PRIM2: variants seen among roughly 807,000 people sequenced by gnomAD.
The protein encoded by PRIM2 is DNA primase large subunit.
Under a neutral mutation model 67.3 loss-of-function variants are expected in PRIM2, and 39 were observed. The observed-to-expected ratio is 0.58, with a 90% CI of 0.45 to 0.76. PRIM2 has a LOEUF of 0.76. PRIM2 is among the 30% of genes least tolerant of loss of function. PRIM2 has a pLI of 0.00. For synonymous variants in PRIM2, 143 were observed against 198.7 expected, an observed-to-expected ratio of 0.72 and a Z score of 2.36; for missense variants, 398 against 598.7, an observed-to-expected ratio of 0.66 and a Z score of 3.50.
chr6:57,304,332 T>A, the PRIM2 span, among the ~76,000 whole-genome samples: 99 of 152,284 alleles, frequency 6.5e-4, no homozygotes, highest in Non-Finnish European at 1.1e-3. Flanking sequence ...CTTTGAAAAC[T>A]GTAGCATGCT....
chr6:57,326,963 G>A (rs904154199), intron 5 of PRIM2, among the ~76,000 whole-genome samples: 1 of 147,506 alleles, frequency 6.8e-6, no homozygotes, highest in Non-Finnish European at 1.5e-5. Flanking sequence ...ATATGCAGTG[G>A]CCTGATCTCG....
intron 10 of PRIM2, among the ~76,000 whole-genome samples, chr6:57,564,159 C>T (rs1775692605): frequency 6.6e-6 from 1 of 152,178 alleles, no homozygotes; most frequent in African/African-American, 2.4e-5. Context: ...CCTTTTCCCT[C>T]TGAAACATTG....
At chr6:57,434,752 G>A (rs917721308) in intron 7 of PRIM2, among the ~76,000 whole-genome samples, 1 of 151,380 alleles carries the variant, frequency 6.6e-6, no homozygotes, top group African/African-American at 2.4e-5. Flanking sequence ...CAGAATCCTG[G>A]GTCTCTGCTC....
intron 7 of PRIM2, among the ~76,000 whole-genome samples, chr6:57,490,136 C>A (rs1554345851): frequency 6.6e-6 from 1 of 152,118 alleles, no homozygotes; most frequent in East Asian, 1.9e-4. Context: ...CTGGAGCATG[C>A]AGATTATACC....
intron 5 of PRIM2, among the ~76,000 whole-genome samples, chr6:57,339,653 A>G (rs1294128737): frequency 6.6e-6 from 1 of 152,348 alleles, no homozygotes; most frequent in East Asian, 1.9e-4. Flanking sequence ...GGCTAGCCAT[A>G]TGCAGAAAGC....
intron 5 of PRIM2, among the ~76,000 whole-genome samples, chr6:57,373,011 G>C (rs1769615789): frequency 6.6e-6 from 1 of 152,142 alleles, no homozygotes; most frequent in Non-Finnish European, 1.5e-5. Flanking sequence ...TGATATTTCT[G>C]CCTCTAGGTC....
rs143978018 is a variant in PRIM2, at chr6:57,322,356, C to A, written c.258+1796C>A. 5.0e-3 allele frequency among the ~76,000 whole-genome samples: 765 copies of A among 152,152 alleles called. 6 individuals are homozygous for A. Among genetic ancestry groups the A allele is most frequent in the African/African-American group, 0.018 (738 of 41,508 alleles). On this transcript the variant is annotated intron_variant, in intron 3 of 13. Coordinates refer to ENST00000615550, the MANE Select transcript of PRIM2 (RefSeq NM_000947.5). Reference sequence around the variant, plus strand: ...GGTTTAGGTGCAGGAATTAGCTTTTCATATGGTTTGGCTGTGTCCCCACCC... The same window carrying A: ...GGTTTAGGTGCAGGAATTAGCTTTTAATATGGTTTGGCTGTGTCCCCACCC...
At chr6:57,243,747 T>C in the PRIM2 span, among the ~76,000 whole-genome samples, 1 of 152,216 alleles carries the variant, frequency 6.6e-6, no homozygotes, top group Non-Finnish European at 1.5e-5. Flanking sequence ...AGTGCTGGGA[T>C]TACAGGTGTG....
chr6:57,457,763 G>A (rs537101960), intron 7 of PRIM2, among the ~76,000 whole-genome samples: 4 of 152,070 alleles, frequency 2.6e-5, no homozygotes, highest in African/African-American at 9.7e-5. Context: ...GCCCTGCCTC[G>A]GCTCACATAC....
intron 7 of PRIM2, among the ~76,000 whole-genome samples, chr6:57,492,922 C>A (rs1270201681): frequency 1.3e-5 from 2 of 152,188 alleles, no homozygotes; most frequent in African/African-American, 4.8e-5. Flanking sequence ...ATACTTGTAT[C>A]TATTATAGCT....
At chr6:57,597,519 A>G (rs1776387714) in intron 10 of PRIM2, among the ~76,000 whole-genome samples, 1 of 152,094 alleles carries the variant, frequency 6.6e-6, no homozygotes, top group East Asian at 1.9e-4. Context: ...ATATTTATTG[A>G]GAACAAAGGA....
intron 13 of PRIM2, among the ~76,000 whole-genome samples, chr6:57,640,084 T>C (rs1215741725): frequency 8.5e-5 from 13 of 152,134 alleles, no homozygotes; most frequent in African/African-American, 3.1e-4. Flanking sequence ...GTTCAACATA[T>C]GCAAATCAAT....
At chr6:57,461,233 A>G (rs1186807917) in intron 7 of PRIM2, among the ~76,000 whole-genome samples, 18 of 152,346 alleles carry the variant, frequency 1.2e-4, no homozygotes, top group Non-Finnish European at 2.4e-4. Context: ...CTTTGATGAC[A>G]TAGTGGAAAG....
Position 57,518,929 on chromosome 6 carries a change from A to C in PRIM2, c.761+11475A>C, listed in dbSNP as rs1234600012. On this transcript the variant is annotated intron_variant, in intron 8 of 13. Transcript: ENST00000615550. ...CCGATATTCACGTAGGTTCTTTTCT[A>C]TTTTCCTTAAGCGTCAGCCAGCTTG... is the stretch of plus-strand genomic sequence containing the variant. Among the ~76,000 whole-genome samples the C allele has an allele frequency of 6.9e-4, 105 of 152,114 alleles. No individual in the cohort carries two copies. In the Middle Eastern group the frequency reaches 0.024, roughly 34 times the overall value.
At chr6:57,593,929 A>G (rs1357579740) in intron 10 of PRIM2, among the ~76,000 whole-genome samples, 2 of 152,338 alleles carry the variant, frequency 1.3e-5, no homozygotes, top group East Asian at 3.9e-4. Flanking sequence ...TTTTAGAGAG[A>G]TTAGCTTTCC....
intron 5 of PRIM2, among the ~76,000 whole-genome samples, chr6:57,358,536 A>G (rs1440563275): frequency 6.6e-6 from 1 of 152,172 alleles, no homozygotes; most frequent in Non-Finnish European, 1.5e-5. Context: ...GGTGGTCTGG[A>G]ATTTGCAAGT....
chr6:57,467,619 G>C (rs1318782996), intron 7 of PRIM2, among the ~76,000 whole-genome samples: 3 of 151,964 alleles, frequency 2.0e-5, no homozygotes, highest in Non-Finnish European at 4.4e-5. Flanking sequence ...GCTCTTTTTT[G>C]GTTCCATGTG....
the PRIM2 span, among the ~76,000 whole-genome samples, chr6:57,235,503 T>C: frequency 2.0e-5 from 3 of 151,874 alleles, no homozygotes; most frequent in Non-Finnish European, 4.4e-5. Context: ...AATGTAGGAC[T>C]GGATTAATGA....
At chr6:57,392,457 T>C (rs1167037261) in intron 7 of PRIM2, among the ~76,000 whole-genome samples, 5 of 152,208 alleles carry the variant, frequency 3.3e-5, no homozygotes, top group African/African-American at 1.2e-4. Flanking sequence ...TTAATCCATC[T>C]GATTCTAAAA....
Sources: allele counts gnomAD v4.1 joint callset (sites outside exome capture counted in the v4.1 genomes callset), GRCh38; gene constraint gnomAD v4.1.1; transcripts MANE v1.5; gene names NCBI Gene and HGNC (gene_info 2026-07-23, HGNC 2026-07-21).